The following GNA14 variants were observed in gnomAD, a reference collection of about 807,000 sequenced individuals.
GNA14 encodes guanine nucleotide-binding protein subunit alpha-14.
Under a neutral mutation model 42.0 loss-of-function variants are expected in GNA14, and 50 were observed. The ratio of observed to expected loss-of-function variants is 1.19; its 90% confidence interval spans 0.95 to 1.51. GNA14 has a LOEUF of 1.51. Among genes scored for constraint, GNA14 ranks in the 40% most tolerant of loss-of-function variants. GNA14 has a pLI of 0.00. For synonymous variants in GNA14, 173 were observed against 163.1 expected, an observed-to-expected ratio of 1.06 and a Z score of -0.46; for missense variants, 473 against 446.2, an observed-to-expected ratio of 1.06 and a Z score of -0.54.
At chr9:77,627,818 T>G (rs543524343) in intron 1 of GNA14, among the ~76,000 whole-genome samples, 2 of 152,256 alleles carry the variant, frequency 1.3e-5, no homozygotes, top group South Asian at 4.1e-4. Context: ...AAGCATTCCT[T>G]TTGAAAACTG....
At chr9:77,643,365 G>A (rs112061201) in intron 1 of GNA14, among the ~76,000 whole-genome samples, 6,275 of 151,710 alleles carry the variant, frequency 0.041, 419 homozygotes, top group African/African-American at 0.14. Flanking sequence ...TCAACCTCCT[G>A]AGAAGCTGGG....
intron 2 of GNA14, among the ~76,000 whole-genome samples, chr9:77,469,684 T>A (rs945649563): frequency 3.3e-5 from 5 of 152,218 alleles, no homozygotes; most frequent in African/African-American, 1.2e-4. Flanking sequence ...AGAAAGAGAC[T>A]GTGCATTACA....
Position 77,431,316 on chromosome 9 carries a change from C to G in GNA14, c.593+5G>C, listed in dbSNP as rs1480825658. The G allele has an allele frequency of 6.2e-7, 1 of 1,612,898 alleles. No homozygotes were observed. The highest frequency in any genetic ancestry group is 1.3e-5 in the African/African-American group (1 of 74,882). On this transcript the variant is annotated splice_donor_5th_base_variant and intron_variant, in intron 4 of 6. Coordinates refer to ENST00000341700, the MANE Select transcript of GNA14 (RefSeq NM_004297.4). Reference sequence around the variant, plus strand: ...CTTCATGGTACATCAGGGAGACAGACTTACCGAAAGATGATGTTTTCCAAG... The same window carrying G: ...CTTCATGGTACATCAGGGAGACAGAGTTACCGAAAGATGATGTTTTCCAAG...
chr9:77,508,064 G>T (rs1837099293), intron 2 of GNA14, among the ~76,000 whole-genome samples: 2 of 152,170 alleles, frequency 1.3e-5, no homozygotes, highest in South Asian at 4.2e-4. Flanking sequence ...AGTTTTCAAT[G>T]TTGAAGAAAC....
rs200682524 is a variant in GNA14, at chr9:77,424,232, C to CT, written c.878-64dup. On this transcript the variant is annotated intron_variant, in intron 6 of 6. Transcript: ENST00000341700. The stretch of plus-strand genomic sequence containing the variant: ...CTTAACACCATGTCCTCCCAAGAAC[C>CT]TTTTTTTTGAGACAGAGTCTCGCTC... 668 of 1,195,548 alleles carry CT rather than the reference C, an allele frequency of 5.6e-4. 3 individuals carry two copies. In the East Asian group the frequency reaches 8.1e-3, roughly 14 times the overall value. 74.1% of individuals were successfully genotyped at this position (1,195,548 alleles called of 1,614,324 possible).
rs78919758 is a variant in GNA14 at position 77,486,968 on chromosome 9, G to C, written c.309+42101C>G. Among the ~76,000 whole-genome samples, 1,020 of 150,374 alleles carry C rather than the reference G, an allele frequency of 6.8e-3. 6 individuals are homozygous for C. Among genetic ancestry groups the C allele is most frequent in the Non-Finnish European group, 0.01 (696 of 67,842 alleles). ...AGTGAGCATATGCTGTTGGAAAAAT[G>C]AACCCAATAGACTTGCTCAATGTAG... On this transcript the variant is annotated intron_variant, in intron 2 of 6. Coordinates refer to ENST00000341700, the MANE Select transcript of GNA14 (RefSeq NM_004297.4).
In GNA14 at chr9:77,647,905, G is replaced by C. The variant is rs1824386770; in HGVS notation, c.-112C>G. 7.9e-7 allele frequency: 1 copy of C among 1,261,838 alleles called. No homozygotes were observed. 78.2% of individuals were successfully genotyped at this position (1,261,838 alleles called of 1,614,324 possible). A position where few individuals can be genotyped will look rare whatever the true frequency, so the allele number is the denominator to read the frequency against. ...CGGGCACAGGGGTGTGGAAAGAAAA[G>C]ACGGGGGCCGACTTGAGCTTTGGAG... On this transcript the variant is annotated 5_prime_UTR_variant, in exon 1 of 7. Transcript: ENST00000341700.
chr9:77,545,692 G>GTCCA (rs1837710586), intron 1 of GNA14, among the ~76,000 whole-genome samples: 1 of 152,098 alleles, frequency 6.6e-6, no homozygotes, highest in South Asian at 2.1e-4. Flanking sequence ...TGGTCAGAGT[G>GTCCA]TCCAACTCAT....
Position 77,499,828 on chromosome 9 carries a change from T to C in GNA14, c.309+29241A>G, listed in dbSNP as rs572981744. On this transcript the variant is annotated intron_variant, in intron 2 of 6. Coordinates refer to ENST00000341700, the MANE Select transcript of GNA14 (RefSeq NM_004297.4). ...TCATGCCACTGCACTCCAGCCTAGGTGACAGGGCAAGACTGTCTCAAAAAA... is the reference window on the plus strand; with the variant it reads ...TCATGCCACTGCACTCCAGCCTAGGCGACAGGGCAAGACTGTCTCAAAAAA... Among the ~76,000 whole-genome samples the C allele has an allele frequency of 7.2e-5, 11 of 152,106 alleles. No individual in the cohort carries two copies. The East Asian group carries it at 2.1e-3, about 29-fold the overall frequency.
intron 1 of GNA14, among the ~76,000 whole-genome samples, chr9:77,533,915 T>C (rs1304640993): frequency 1.3e-5 from 2 of 152,148 alleles, no homozygotes; most frequent in African/African-American, 4.8e-5. Flanking sequence ...GGTTGGGAGT[T>C]TTCCTACAAG....
chr9:77,534,779 C>T (rs1000552108), intron 1 of GNA14, among the ~76,000 whole-genome samples: 7 of 151,924 alleles, frequency 4.6e-5, no homozygotes, highest in African/African-American at 1.7e-4. Flanking sequence ...TTTCTCGTTT[C>T]CTGATATCTT....
At chr9:77,463,521 G>A (rs926478220) in intron 2 of GNA14, among the ~76,000 whole-genome samples, 1 of 152,208 alleles carries the variant, frequency 6.6e-6, no homozygotes, top group African/African-American at 2.4e-5. Flanking sequence ...CTAAGAAAAT[G>A]GACCTTTATC....
chr9:77,624,940 G>A (rs2117986621), intron 1 of GNA14, among the ~76,000 whole-genome samples: 1 of 151,998 alleles, frequency 6.6e-6, no homozygotes, highest in South Asian at 2.1e-4. Flanking sequence ...CAGAAGGTGG[G>A]TAATAACAAA....
chr9:77,596,486 G>A (rs961237229), intron 1 of GNA14, among the ~76,000 whole-genome samples: 3 of 150,284 alleles, frequency 2.0e-5, no homozygotes, highest in Non-Finnish European at 3.0e-5. Context: ...ACGCCTCCTC[G>A]CCTACACCTC....
intron 1 of GNA14, among the ~76,000 whole-genome samples, chr9:77,643,265 G>C (rs1207681627): frequency 6.8e-6 from 1 of 147,036 alleles, no homozygotes; most frequent in Non-Finnish European, 1.5e-5. Flanking sequence ...TTGAGACAGA[G>C]TTTCACTCTT....
intron 1 of GNA14, among the ~76,000 whole-genome samples, chr9:77,529,461 G>C (rs1327668125): frequency 2.6e-5 from 4 of 152,152 alleles, no homozygotes; most frequent in Non-Finnish European, 5.9e-5. Flanking sequence ...TCAGTCCAGG[G>C]AAATGCTTCC....
At chr9:77,588,755 AG>A (rs1823344407) in intron 1 of GNA14, among the ~76,000 whole-genome samples, 1 of 152,204 alleles carries the variant, frequency 6.6e-6, no homozygotes, top group African/African-American at 2.4e-5. Context: ...TCTGAGTCAG[AG>A]GTCACCTTAG....
At chr9:77,439,121 G>C (rs185514829) in intron 2 of GNA14, among the ~76,000 whole-genome samples, 1 of 152,222 alleles carries the variant, frequency 6.6e-6, no homozygotes, top group East Asian at 1.9e-4. Context: ...AATGAGAATG[G>C]CCCAGCAAGG....
Position 77,430,425 on chromosome 9 carries a change from C to T in GNA14, c.593+896G>A, listed in dbSNP as rs558540585. Among the ~76,000 whole-genome samples the T allele has an allele frequency of 9.2e-5, 14 of 152,262 alleles. No individual in the cohort carries two copies. In the East Asian group the frequency reaches 2.7e-3, roughly 29 times the overall value. ...CCTTGGGAGTCTGAGAGGTTTTGGACATTGCAAAAAGCAGTTAATTGTGAA... is the reference window on the plus strand; with the variant it reads ...CCTTGGGAGTCTGAGAGGTTTTGGATATTGCAAAAAGCAGTTAATTGTGAA... On this transcript the variant is annotated intron_variant, in intron 4 of 6. Coordinates refer to ENST00000341700, the MANE Select transcript of GNA14 (RefSeq NM_004297.4).
Sources: allele counts gnomAD v4.1 joint callset (sites outside exome capture counted in the v4.1 genomes callset), GRCh38; gene constraint gnomAD v4.1.1; transcripts MANE v1.5; gene names NCBI Gene and HGNC (gene_info 2026-07-23, HGNC 2026-07-21).